Variants in SDK1 observed in about 807,000 individuals in gnomAD.
The protein encoded by SDK1 is sidekick cell adhesion molecule 1, also known as protein sidekick-1.
A neutral mutation model predicts 245.5 loss-of-function variants in SDK1; 157 were observed. The ratio of observed to expected loss-of-function variants is 0.64; its 90% CI spans 0.56 to 0.73. SDK1 has a LOEUF of 0.73. Among genes scored for constraint, SDK1 ranks in the 30% least tolerant of loss-of-function variants. The pLI is 0.00. For synonymous variants in SDK1, 1,647 were observed against 1,278.5 expected, an observed-to-expected ratio of 1.29 and a Z score of -6.15; for missense variants, 3,583 against 3,002.3, an observed-to-expected ratio of 1.19 and a Z score of -4.52.
At chr7:3,330,973 A>G (rs1583693118) in intron 1 of SDK1, among the ~76,000 whole-genome samples, 3 of 151,910 alleles carry the variant, frequency 2.0e-5, no homozygotes, top group South Asian at 4.2e-4. Context: ...CTCTTAAAAA[A>G]CATAAAAATA....
intron 5 of SDK1, among the ~76,000 whole-genome samples, chr7:3,886,633 T>G (rs1781345774): frequency 6.6e-6 from 1 of 152,262 alleles, no homozygotes; most frequent in African/African-American, 2.4e-5. Context: ...AGTTGGCTTT[T>G]GGCCAGACAT....
intron 25 of SDK1, among the ~76,000 whole-genome samples, chr7:4,125,864 G>A (rs899002349): frequency 6.6e-6 from 1 of 152,160 alleles, no homozygotes; most frequent in Non-Finnish European, 1.5e-5. Context: ...GGTAGGCCAG[G>A]CTTAGCCTTT....
At chr7:4,206,375 A>G (rs766718930) in intron 36 of SDK1, among the ~76,000 whole-genome samples, 1 of 152,182 alleles carries the variant, frequency 6.6e-6, no homozygotes, top group Non-Finnish European at 1.5e-5. Context: ...GGCGCCTGGA[A>G]GAGACCAGGC....
intron 9 of SDK1, among the ~76,000 whole-genome samples, chr7:3,966,017 G>A (rs1017089096): frequency 6.6e-6 from 1 of 151,980 alleles, no homozygotes; most frequent in Non-Finnish European, 1.5e-5. Flanking sequence ...CCGAGAACAG[G>A]AGGAGCCTCG....
chr7:3,830,758 A>T (rs1421026200), intron 5 of SDK1, among the ~76,000 whole-genome samples: 1 of 152,144 alleles, frequency 6.6e-6, no homozygotes, highest in Non-Finnish European at 1.5e-5. Context: ...CGGCCTCCCA[A>T]AGTGCTGGGA....
At chr7:3,537,202 A>C (rs113938061) in intron 1 of SDK1, among the ~76,000 whole-genome samples, 453 of 152,320 alleles carry the variant, frequency 3.0e-3, no homozygotes, top group African/African-American at 0.01. Context: ...TCTGTTTGGA[A>C]CATTGAATAA....
intron 22 of SDK1, among the ~76,000 whole-genome samples, chr7:4,098,881 C>G (rs1204526841): frequency 7.2e-6 from 1 of 139,012 alleles, no homozygotes; most frequent in African/African-American, 2.8e-5. Flanking sequence ...CTATGTGGCC[C>G]TGGCTGGTCT....
chr7:4,067,814 G>A (rs1186577125), intron 19 of SDK1, 24 bp from the exon 20 acceptor site: 1 of 1,584,268 alleles, frequency 6.3e-7, no homozygotes, highest in Non-Finnish European at 8.6e-7. Flanking sequence ...TGTGTTAACA[G>A]ATGACTTTGC....
intron 4 of SDK1, among the ~76,000 whole-genome samples, chr7:3,787,824 G>C (rs1041526370): frequency 6.6e-6 from 1 of 152,192 alleles, no homozygotes; most frequent in South Asian, 2.1e-4. Flanking sequence ...GTGAAGTCCT[G>C]CATGAAAGCA....
chr7:3,421,361 C>A (rs1779530088), intron 1 of SDK1, among the ~76,000 whole-genome samples: 1 of 152,114 alleles, frequency 6.6e-6, no homozygotes. Context: ...CAGGTGCAAG[C>A]CACCGAGCCT....
chr7:4,040,840 G>A (rs1317979379), intron 17 of SDK1, among the ~76,000 whole-genome samples: 1 of 152,182 alleles, frequency 6.6e-6, no homozygotes, highest in African/African-American at 2.4e-5. Flanking sequence ...AACGGAAGAT[G>A]GAGCCTCCAT....
At chr7:3,823,994 G>C (rs1338673034) in intron 5 of SDK1, among the ~76,000 whole-genome samples, 1 of 122,174 alleles carries the variant, frequency 8.2e-6, no homozygotes, top group Admixed American at 8.7e-5. Context: ...GTTTTATTTT[G>C]AAAACCTCTA....
chr7:4,158,235 G>C (rs1780892887), intron 30 of SDK1, among the ~76,000 whole-genome samples: 1 of 152,194 alleles, frequency 6.6e-6, no homozygotes, highest in Admixed American at 6.5e-5. Context: ...CAGGTCCAGG[G>C]TCTCCTTCAA....
chr7:3,860,575 C>A (rs554873290), intron 5 of SDK1, among the ~76,000 whole-genome samples: 1 of 152,216 alleles, frequency 6.6e-6, no homozygotes, highest in African/African-American at 2.4e-5. Context: ...ATTAATACAG[C>A]CATTTTTGGG....
chr7:3,655,469 A>G (rs1457898446), intron 4 of SDK1, among the ~76,000 whole-genome samples: 3 of 33,494 alleles, frequency 9.0e-5, no homozygotes, highest in Non-Finnish European at 2.3e-4. Flanking sequence ...ATATATATAT[A>G]TATATATATA....
At chr7:3,454,289 T>G (rs1447724819) in intron 1 of SDK1, among the ~76,000 whole-genome samples, 1 of 152,138 alleles carries the variant, frequency 6.6e-6, no homozygotes, top group Non-Finnish European at 1.5e-5. Context: ...TTCTAGAGTT[T>G]CATCTTTATC....
chr7:3,879,426 G>A (rs1781151950), intron 5 of SDK1, among the ~76,000 whole-genome samples: 1 of 152,164 alleles, frequency 6.6e-6, no homozygotes, highest in African/African-American at 2.4e-5. Context: ...TGCAGCCGCT[G>A]GGCTCAGCCA....
chr7:4,216,111 T>G (rs995816418), intron 38 of SDK1, among the ~76,000 whole-genome samples: 5 of 152,234 alleles, frequency 3.3e-5, no homozygotes, highest in African/African-American at 7.2e-5. Context: ...CAGGCATTTC[T>G]GAGTGTCTTG....
At chr7:3,364,024 G>C (rs973329981) in intron 1 of SDK1, among the ~76,000 whole-genome samples, 3 of 152,062 alleles carry the variant, frequency 2.0e-5, no homozygotes, top group Admixed American at 6.5e-5. Context: ...CCTTATTTTG[G>C]TTTTAATTTG....
Sources: gnomAD v4.1 joint callset for allele counts (sites outside exome capture counted in the v4.1 genomes callset) on GRCh38, gnomAD v4.1.1 for gene constraint, MANE v1.5 for transcripts, NCBI Gene and HGNC (gene_info 2026-07-23, HGNC 2026-07-21) for gene names.